Variants in SUN1 observed in about 807,000 individuals in gnomAD.
The protein encoded by SUN1 is Sad1 and UNC84 domain containing 1, also known as SUN domain-containing protein 1.
In SUN1, 61 loss-of-function variants were observed where a neutral mutation model predicts 103.2. That is an observed-to-expected ratio of 0.59 (90% CI 0.48 to 0.73). SUN1 has a LOEUF of 0.73. SUN1 is among the 30% of genes least tolerant of loss of function. The pLI is 0.00. For missense variants in SUN1, 1,052 were observed against 1,034.6 expected (o/e 1.02, Z -0.23); for synonymous variants, 490 against 425.7 (o/e 1.15, Z -1.86).
In SUN1 at chr7:838,972, G is replaced by A. The variant is rs985128271; in HGVS notation, c.252G>A (p.Lys84=). Reference sequence around the variant, plus strand: ...GCACCAGCAGCGCTGTCTCCCTGAAGAACCGAGCGGCCAGGTGAGCACCGC... The same window carrying A: ...GCACCAGCAGCGCTGTCTCCCTGAAAAACCGAGCGGCCAGGTGAGCACCGC... ...DSGTSSAVSL[K]NRAARTTKQR... The change falls in exon 2 of 19, where the codon AAG becomes AAA. Residue 84 remains lysine, a synonymous_variant. Transcript: ENST00000401592. The A allele has an allele frequency of 1.9e-6, 3 of 1,590,292 alleles. No individual in the cohort carries two copies. Among genetic ancestry groups the A allele is most frequent in the South Asian group, 2.3e-5 (2 of 87,190 alleles).
intron 3 of SUN1, among the ~76,000 whole-genome samples, 161 bp downstream of exon 3, chr7:842,291 G>A (rs1454278120): frequency 6.6e-6 from 1 of 152,188 alleles, no homozygotes; most frequent in Non-Finnish European, 1.5e-5. Context: ...TGACTGGCTG[G>A]TAGGAGCATC....
At chr7:851,702 G>C in intron 6 of SUN1, 1 of 632,468 alleles carries the variant, frequency 1.6e-6, no homozygotes, top group East Asian at 2.8e-5. Flanking sequence ...GGGAAGTCCG[G>C]CTGCCTGAAT....
intron 5 of SUN1, among the ~76,000 whole-genome samples, chr7:847,765 C>T (rs1452103470): frequency 8.6e-5 from 2 of 23,244 alleles, no homozygotes; most frequent in Non-Finnish European, 1.6e-4. Flanking sequence ...CGTGCGCCAG[C>T]GGAGTTGGCG....
upstream of SUN1, chr7:831,073 TAGACAGGTGGGAGAG>T: frequency 1.1e-6 from 1 of 928,816 alleles, no homozygotes; most frequent in Non-Finnish European, 1.3e-6. Flanking sequence ...TTAAAGTAGG[TAGACAGGTGGGAGAG>T]AGACAGTTAA....
intron 16 of SUN1, 82 bp from the exon 17 acceptor site, chr7:869,267 A>G (rs927576608): frequency 4.7e-6 from 7 of 1,485,548 alleles, no homozygotes; most frequent in African/African-American, 2.8e-5. Flanking sequence ...TTATCTCAGT[A>G]TAATCAGTCT....
chr7:835,257 C>G (rs1036548441), intron 1 of SUN1, among the ~76,000 whole-genome samples: 1 of 151,272 alleles, frequency 6.6e-6, no homozygotes, highest in African/African-American at 2.5e-5. Context: ...GTTCCCCAGC[C>G]CGCTGTCCTG....
chr7:828,820 G>A (rs1024068572), upstream of SUN1, among the ~76,000 whole-genome samples: 11 of 152,230 alleles, frequency 7.2e-5, no homozygotes, highest in Non-Finnish European at 1.5e-4. Context: ...TCTCGTAGGA[G>A]GACCAGCAGG....
At chr7:848,956 T>G (rs1819191663) in intron 5 of SUN1, among the ~76,000 whole-genome samples, 1 of 152,160 alleles carries the variant, frequency 6.6e-6, no homozygotes, top group African/African-American at 2.4e-5. Context: ...TTTTCAGAAC[T>G]TTTTTTCTTT....
chr7:869,223 G>A, intron 16 of SUN1, 126 bp from the exon 17 acceptor site: 1 of 1,133,444 alleles, frequency 8.8e-7, no homozygotes, highest in Admixed American at 2.4e-5. Context: ...TTCGGATTTT[G>A]CTCATGGCAG....
upstream of SUN1, among the ~76,000 whole-genome samples, chr7:829,404 G>A (rs530156575): frequency 5.9e-5 from 9 of 152,154 alleles, no homozygotes; most frequent in Non-Finnish European, 7.4e-5. Context: ...CAGGTGTGCC[G>A]GCGAGCAGTG....
Position 854,948 on chromosome 7 carries a change from A to T in SUN1, c.1292A>T (p.His431Leu). 2 of 1,613,886 alleles carry T rather than the reference A, an allele frequency of 1.2e-6. No homozygotes were observed. Among genetic ancestry groups the T allele is most frequent in the Non-Finnish European group, 1.7e-6 (2 of 1,179,910 alleles). ...GACTTTATGGCCTTTCACCAAGAAC[A>T]TGAAGTGCGTATGTCACACTTGGAA... is the stretch of plus-strand genomic sequence containing the variant. ...ETDFMAFHQE[H>L]EVRMSHLEDI... is the part of the protein sequence containing the mutation. Residue 431 changes from histidine (H) to leucine (L), a missense_variant, in exon 11 of 19, where the codon CAT becomes CTT. Physicochemically the swap from His to Leu is moderately conservative, Grantham distance 99. Transcript: ENST00000401592.
At chr7:817,339 C>T in intron 1 of SUN1, 2 of 1,362,944 alleles carry the variant, frequency 1.5e-6, no homozygotes, top group Non-Finnish European at 2.0e-6. Flanking sequence ...TCCCCTCGCC[C>T]CAGCCTGCCT....
Position 857,927 on chromosome 7 carries a change from C to G in SUN1, c.1494C>G (p.Gly498=), listed in dbSNP as rs1377164336. The G allele has an allele frequency of 4.4e-6, 7 of 1,596,154 alleles. No homozygotes were observed. Among genetic ancestry groups the G allele is most frequent in the Non-Finnish European group, 6.0e-6 (7 of 1,166,196 alleles). The part of the protein sequence containing the change: ...ELSSWRHVKT[G]CETVDAVQER... ...CCAGCTGGCGACACGTGAAGACCGG[C>G]TGTGAGACAGTGGATGCCGTACAAG... is the stretch of plus-strand genomic sequence containing the variant. Residue 498 remains glycine (G), a synonymous_variant, in exon 13 of 19, where the codon GGC becomes GGG. Transcript: ENST00000401592.
chr7:857,954 A>G lies in SUN1; in HGVS notation c.1521A>G (p.Glu507=). ...GTGAGACAGTGGATGCCGTACAAGA[A>G]AGAGTGAGCTTTCTGCATGTTTACT... ...TGCETVDAVQ[E]RVDVQVREMV... is the part of the protein sequence containing the mutation. The change falls in exon 13 of 19, where the codon GAA becomes GAG. Residue 507 remains glutamate, a synonymous_variant. Coordinates refer to ENST00000401592, the MANE Select transcript of SUN1 (RefSeq NM_001130965.3). 4 of 1,562,842 alleles carry G rather than the reference A, an allele frequency of 2.6e-6. No individual in the cohort carries two copies. In the African/African-American group the frequency reaches 4.1e-5, roughly 16 times the overall value.
At chr7:851,884 G>C in intron 6 of SUN1, 66 bp from the exon 7 acceptor site, 1 of 1,529,688 alleles carries the variant, frequency 6.5e-7, no homozygotes, top group Non-Finnish European at 9.0e-7. Context: ...TCACAGAAAT[G>C]GTCCATTTAG....
At position 851,447 on chromosome 7, in the gene SUN1, C is replaced by T. The variant is rs369311027; in HGVS notation, c.722C>T (p.Ala241Val). Residue 241 changes from alanine (A) to valine (V), a missense_variant, in exon 6 of 19, where the codon GCG becomes GTG. Coordinates refer to ENST00000401592, the MANE Select transcript of SUN1 (RefSeq NM_001130965.3). ...GAVGQAVSRT[A>V]WSALWLAVVA... ...GTGGGCCAGGCTGTGTCCAGGACGGCGTGGTCGGCCCTTTGGCTGGCCGTG... is the reference window on the plus strand; with the variant it reads ...GTGGGCCAGGCTGTGTCCAGGACGGTGTGGTCGGCCCTTTGGCTGGCCGTG... The T allele has an allele frequency of 1.2e-5, 20 of 1,609,746 alleles. No homozygotes were observed. Among genetic ancestry groups the T allele is most frequent in the African/African-American group, 9.3e-5 (7 of 74,882 alleles).
At chr7:844,595 C>G (rs141924655) in intron 5 of SUN1, among the ~76,000 whole-genome samples, 1 of 152,196 alleles carries the variant, frequency 6.6e-6, no homozygotes, top group African/African-American at 2.4e-5. Context: ...AGTGTTAATA[C>G]AGCACAATAA....
At chr7:839,029 A>G in intron 2 of SUN1, 43 bp downstream of exon 2, 1 of 1,470,480 alleles carries the variant, frequency 6.8e-7, no homozygotes, top group Non-Finnish European at 9.0e-7. Context: ...CTCTAACACC[A>G]GTTAAAACCA....
At chr7:861,954 C>G (rs1189053104) in intron 15 of SUN1, among the ~76,000 whole-genome samples, 1 of 152,206 alleles carries the variant, frequency 6.6e-6, no homozygotes, top group African/African-American at 2.4e-5. Context: ...GGGGCACAAG[C>G]CTAGGCCAGA....
Sources: gnomAD v4.1 joint callset for allele counts (sites outside exome capture counted in the v4.1 genomes callset) on GRCh38, gnomAD v4.1.1 for gene constraint, MANE v1.5 for transcripts, NCBI Gene and HGNC (gene_info 2026-07-23, HGNC 2026-07-21) for gene names.